Variants in CHODL observed in about 807,000 individuals in gnomAD.
CHODL encodes transmembrane protein MT75.
CHODL carries 29 observed loss-of-function variants against 34.5 expected under a neutral mutation model. The ratio of observed to expected loss-of-function variants is 0.84; its 90% CI spans 0.63 to 1.15. CHODL has a LOEUF of 1.15. CHODL is among the 50% of genes most tolerant of loss of function. The pLI, the probability that CHODL is intolerant of heterozygous loss-of-function variation, is 0.00. For missense variants in CHODL, 332 were observed against 332.5 expected (o/e 1.00, Z 0.01); for synonymous variants, 125 against 116.1 (o/e 1.08, Z -0.49).
chr21:18,161,617 G>A (rs1024348995), intron 2 of CHODL, among the ~76,000 whole-genome samples: 4 of 151,858 alleles, frequency 2.6e-5, no homozygotes, highest in Admixed American at 2.6e-4. Flanking sequence ...CCTTAGTCTT[G>A]TGCATGCTGT....
chr21:17,976,203 G>A (rs1343337319), intron 1 of CHODL, among the ~76,000 whole-genome samples: 3 of 142,706 alleles, frequency 2.1e-5, no homozygotes, highest in African/African-American at 5.1e-5. Flanking sequence ...CCCAGGAGGC[G>A]GATATTGCAG....
At chr21:18,149,929 A>G (rs1343657265) in intron 2 of CHODL, among the ~76,000 whole-genome samples, 2 of 152,220 alleles carry the variant, frequency 1.3e-5, no homozygotes, top group Non-Finnish European at 2.9e-5. Flanking sequence ...AATATGAGTG[A>G]CCATGGCCCA....
At position 18,232,942 on chromosome 21, in the gene CHODL, G is replaced by GATATATATAT. The variant is rs371388519; in HGVS notation, c.-44-23546_-44-23537dup. ...AATTATGGGGTCCACATGATGTTAT[G>GATATATATAT]ATATATATATATATATATATATATA... is the stretch of plus-strand genomic sequence containing the variant. On this transcript the variant is annotated intron_variant, in intron 2 of 6. Transcript: ENST00000400127. Among the ~76,000 whole-genome samples the GATATATATAT allele has an allele frequency of 8.9e-3, 1,062 of 119,274 alleles. 21 individuals carry two copies. The highest frequency in any genetic ancestry group is 0.027 in the African/African-American group (725 of 27,076). 78.2% of individuals were successfully genotyped at this position (119,274 alleles called of 152,430 possible).
intron 1 of CHODL, among the ~76,000 whole-genome samples, chr21:17,939,888 T>C (rs1375620763): frequency 6.6e-6 from 1 of 152,212 alleles, no homozygotes; most frequent in African/African-American, 2.4e-5. Context: ...TTACGTGTCT[T>C]ATAATTTCAT....
chr21:18,192,219 G>C (rs1285780587), intron 2 of CHODL, among the ~76,000 whole-genome samples: 1 of 152,128 alleles, frequency 6.6e-6, no homozygotes, highest in Non-Finnish European at 1.5e-5. Flanking sequence ...TGATCATACA[G>C]TCAGTATGAG....
At chr21:18,076,922 G>C (rs934733992) in intron 2 of CHODL, among the ~76,000 whole-genome samples, 2 of 152,144 alleles carry the variant, frequency 1.3e-5, no homozygotes, top group African/African-American at 2.4e-5. Flanking sequence ...CACACAGATT[G>C]GGCCACTTCA....
At chr21:18,070,032 CCCCA>C (rs1158015220) in intron 2 of CHODL, among the ~76,000 whole-genome samples, 4 of 104,672 alleles carry the variant, frequency 3.8e-5, no homozygotes, top group African/African-American at 3.2e-5. Context: ...CCCTCCCCCC[CCCCA>C]CCCATTTCCT....
At chr21:18,052,580 T>TA (rs60684701) in intron 2 of CHODL, among the ~76,000 whole-genome samples, 1,941 of 152,092 alleles carry the variant, frequency 0.013, 45 homozygotes, top group African/African-American at 0.044. Context: ...TGGGTATTTT[T>TA]ACCATAGCTA....
At chr21:18,145,459 C>T (rs1044848206) in intron 2 of CHODL, among the ~76,000 whole-genome samples, 3 of 135,140 alleles carry the variant, frequency 2.2e-5, no homozygotes, top group Non-Finnish European at 3.1e-5. Context: ...AAAAAAAAAG[C>T]GGCATTCAAT....
At chr21:18,049,625 CCT>C (rs922479157) in intron 2 of CHODL, among the ~76,000 whole-genome samples, 19 of 152,042 alleles carry the variant, frequency 1.2e-4, no homozygotes, top group African/African-American at 4.6e-4. Context: ...TCTGCTGAGG[CCT>C]CTCTCCTTGG....
chr21:18,242,432 G>GA (rs57589418), upstream of CHODL, among the ~76,000 whole-genome samples: 2 of 150,914 alleles, frequency 1.3e-5, no homozygotes, highest in Admixed American at 6.6e-5. Flanking sequence ...TATTGTATGG[G>GA]AAAAAAAAGG....
intron 1 of CHODL, among the ~76,000 whole-genome samples, chr21:17,976,281 A>G (rs1888774803): frequency 2.1e-5 from 2 of 95,562 alleles, no homozygotes. Flanking sequence ...AAAAAAAAAA[A>G]AAAAAAAAAA....
intron 2 of CHODL, among the ~76,000 whole-genome samples, chr21:18,032,327 T>G (rs1251491773): frequency 6.6e-6 from 1 of 152,124 alleles, no homozygotes. Context: ...CATAAATGTA[T>G]ACAATTTTTA....
chr21:18,223,016 A>G (rs1265865896), intron 2 of CHODL, among the ~76,000 whole-genome samples: 2 of 152,232 alleles, frequency 1.3e-5, no homozygotes, highest in East Asian at 3.8e-4. Context: ...TGAAAAAGTA[A>G]AAAGAGCCAA....
chr21:18,070,563 A>G (rs2064791241), intron 2 of CHODL, among the ~76,000 whole-genome samples: 1 of 152,190 alleles, frequency 6.6e-6, no homozygotes, highest in African/African-American at 2.4e-5. Context: ...GGAAGGCATT[A>G]TTTTAATTAC....
At chr21:17,948,326 A>G (rs1156921671) in intron 1 of CHODL, among the ~76,000 whole-genome samples, 2 of 149,730 alleles carry the variant, frequency 1.3e-5, no homozygotes, top group African/African-American at 4.9e-5. Flanking sequence ...AGAAAAAAAA[A>G]GTTTATGTTA....
chr21:18,107,922 T>C (rs1005266448), intron 2 of CHODL, among the ~76,000 whole-genome samples: 2 of 152,238 alleles, frequency 1.3e-5, no homozygotes, highest in Admixed American at 1.3e-4. Context: ...TCAATAAGCA[T>C]GTGGAAAAGA....
At chr21:18,150,702 C>T (rs914804535) in intron 2 of CHODL, among the ~76,000 whole-genome samples, 3 of 152,144 alleles carry the variant, frequency 2.0e-5, no homozygotes, top group South Asian at 2.1e-4. Context: ...AACTGCCACA[C>T]CCTTATTATT....
chr21:17,948,538 G>GA lies in CHODL; in HGVS notation c.-145+31145dup, dbSNP rs1232397008. Reference sequence around the variant, plus strand: ...ATTGACATTTAGCTAGACTAAATAAGAAAAAAAGAGGAAATAAAATAGCAG... The same window carrying GA: ...ATTGACATTTAGCTAGACTAAATAAGAAAAAAAAGAGGAAATAAAATAGCAG... On this transcript the variant is annotated intron_variant, in intron 1 of 6. Transcript: ENST00000400127. Among the ~76,000 whole-genome samples, 4 of 151,706 alleles carry GA rather than the reference G, an allele frequency of 2.6e-5. No individual in the cohort carries two copies. The East Asian group carries it at 7.7e-4, about 29-fold the overall frequency.
Sources: gnomAD v4.1 joint callset for allele counts (sites outside exome capture counted in the v4.1 genomes callset) on GRCh38, gnomAD v4.1.1 for gene constraint, MANE v1.5 for transcripts, NCBI Gene and HGNC (gene_info 2026-07-23, HGNC 2026-07-21) for gene names.